The following SATB1 variants were observed in gnomAD, a reference collection of about 807,000 sequenced individuals.
SATB1 encodes DNA-binding protein SATB1.
A neutral mutation model predicts 86.9 loss-of-function variants in SATB1; 11 were observed. The ratio of observed to expected loss-of-function variants is 0.13; its 90% CI spans 0.08 to 0.21. The LOEUF (loss-of-function observed/expected upper bound fraction) is 0.21. Among genes scored for constraint, SATB1 ranks in the 10% least tolerant of loss-of-function variants. SATB1 has a pLI of 1.00. For missense variants in SATB1, 551 were observed against 937.6 expected (o/e 0.59, Z 5.39); for synonymous variants, 357 against 357.2 (o/e 1.00, Z 0.01).
At chr3:18,417,486 T>C in intron 2 of SATB1, 1 of 597,292 alleles carries the variant, frequency 1.7e-6, no homozygotes, top group South Asian at 2.1e-5. Context: ...CCCACCTTTC[T>C]ACTGCTTACA....
intron 1 of SATB1, among the ~76,000 whole-genome samples, chr3:18,437,873 T>G (rs1699117378): frequency 6.6e-6 from 1 of 152,180 alleles, no homozygotes; most frequent in Non-Finnish European, 1.5e-5. Flanking sequence ...CATCTTAATT[T>G]AGTACTTCAT....
At chr3:18,399,738 G>A (rs755133146) in intron 5 of SATB1, among the ~76,000 whole-genome samples, 9 of 152,112 alleles carry the variant, frequency 5.9e-5, no homozygotes, top group African/African-American at 9.7e-5. Context: ...AGGCTAATCC[G>A]TAACTTATAA....
chr3:18,411,522 G>A (rs985166996), intron 5 of SATB1, among the ~76,000 whole-genome samples: 1 of 151,860 alleles, frequency 6.6e-6, no homozygotes, highest in Admixed American at 6.6e-5. Context: ...GCATCAAAAT[G>A]TTAATGTTTT....
intron 5 of SATB1, among the ~76,000 whole-genome samples, chr3:18,402,485 C>T (rs539131787): frequency 4.9e-4 from 75 of 152,178 alleles, no homozygotes; most frequent in African/African-American, 1.4e-3. Flanking sequence ...CAGTTAACCC[C>T]CACTATACCA....
intron 5 of SATB1, among the ~76,000 whole-genome samples, chr3:18,411,394 T>G (rs142748174): frequency 6.6e-6 from 1 of 152,050 alleles, no homozygotes; most frequent in Non-Finnish European, 1.5e-5. Flanking sequence ...AAGGAAGACA[T>G]TACGCTGGTA....
At chr3:18,372,478 T>A (rs1384731142) in intron 9 of SATB1, among the ~76,000 whole-genome samples, 2 of 152,226 alleles carry the variant, frequency 1.3e-5, no homozygotes, top group African/African-American at 4.8e-5. Context: ...CTGTTCATTT[T>A]TTTAAAGGTA....
chr3:18,426,359 C>G (rs910743036), upstream of SATB1, among the ~76,000 whole-genome samples: 1 of 152,166 alleles, frequency 6.6e-6, no homozygotes, highest in African/African-American at 2.4e-5. This position sits in a 1 kb window ranked among gnomAD's most constrained non-coding sequence, Gnocchi z 4.2. Flanking sequence ...TGAAAGAGAC[C>G]TGACTTGTTA....
intron 2 of SATB1, 67 bp downstream of exon 2, chr3:18,420,688 CCA>C: frequency 1.6e-6 from 2 of 1,275,878 alleles, no homozygotes; most frequent in Non-Finnish European, 2.3e-6. Flanking sequence ...CACTCCACCC[CCA>C]CACAGTGTGG....
At chr3:18,409,970 C>T (rs980591244) in intron 5 of SATB1, among the ~76,000 whole-genome samples, 1 of 151,942 alleles carries the variant, frequency 6.6e-6, no homozygotes, top group African/African-American at 2.4e-5. Flanking sequence ...AAACAAAGGG[C>T]TATTAGCATA....
chr3:18,372,526 A>T (rs1695526004), intron 9 of SATB1, among the ~76,000 whole-genome samples: 1 of 152,206 alleles, frequency 6.6e-6, no homozygotes, highest in South Asian at 2.1e-4. Context: ...TCACCTCTTG[A>T]TACGACTTTT....
chr3:18,419,459 G>A (rs953416247), intron 2 of SATB1, among the ~76,000 whole-genome samples: 8 of 152,194 alleles, frequency 5.3e-5, no homozygotes, highest in Non-Finnish European at 1.0e-4. Context: ...AAGGAGCAGT[G>A]AAGTCTGTAG....
At chr3:18,367,846 T>C (rs1164895107) in intron 9 of SATB1, among the ~76,000 whole-genome samples, 4 of 152,170 alleles carry the variant, frequency 2.6e-5, no homozygotes, top group Non-Finnish European at 5.9e-5. Context: ...ATCTTGCAAG[T>C]GAAATCTTTC....
intron 9 of SATB1, among the ~76,000 whole-genome samples, chr3:18,359,348 T>A (rs1272260084): frequency 1.3e-5 from 2 of 151,714 alleles, no homozygotes; most frequent in Admixed American, 1.3e-4. Flanking sequence ...TTAAAGAATA[T>A]TTTCAGAGGG....
chr3:18,397,038 C>A, intron 6 of SATB1, 141 bp downstream of exon 6: 1 of 611,888 alleles, frequency 1.6e-6, no homozygotes, highest in South Asian at 1.9e-5. Flanking sequence ...ATACTCATAC[C>A]CACTTCCCAC....
intron 9 of SATB1, among the ~76,000 whole-genome samples, chr3:18,363,401 A>G (rs1235648822): frequency 6.6e-6 from 1 of 152,202 alleles, no homozygotes; most frequent in African/African-American, 2.4e-5. Context: ...AAATATTTCT[A>G]GAAGCATCAT....
intron 4 of SATB1, among the ~76,000 whole-genome samples, chr3:18,415,584 TA>T (rs33990578): frequency 0.58 from 87,558 of 151,720 alleles, 25,883 homozygotes; most frequent in East Asian, 0.92. Context: ...TCATATGAAT[TA>T]AAAATCATAA....
At chr3:18,364,405 G>A (rs1295360612) in intron 9 of SATB1, among the ~76,000 whole-genome samples, 1 of 151,708 alleles carries the variant, frequency 6.6e-6, no homozygotes, top group Non-Finnish European at 1.5e-5. Flanking sequence ...ATAGTGATGG[G>A]CATAAATGAT....
chr3:18,380,544 T>A (rs1402724647), intron 8 of SATB1, among the ~76,000 whole-genome samples: 1 of 152,076 alleles, frequency 6.6e-6, no homozygotes, highest in Non-Finnish European at 1.5e-5. Flanking sequence ...GAAAAAAGTA[T>A]ACAAGAAATA....
intron 9 of SATB1, among the ~76,000 whole-genome samples, chr3:18,356,903 A>G (rs934972425): frequency 7.2e-5 from 11 of 151,948 alleles, no homozygotes; most frequent in African/African-American, 2.4e-4. Context: ...AGTATGTAAC[A>G]TAACTACTTT....
Sources: gnomAD v4.1 joint callset for allele counts (sites outside exome capture counted in the v4.1 genomes callset) on GRCh38, gnomAD v4.1.1 for gene constraint, Gnocchi (gnomAD v3.1) non-coding constraint, MANE v1.5 for transcripts, NCBI Gene and HGNC (gene_info 2026-07-23, HGNC 2026-07-21) for gene names.